The following PCDH11X variants were observed in gnomAD, a reference collection of about 807,000 sequenced individuals.
PCDH11X encodes protocadherin-11 X-linked.
A neutral mutation model predicts 53.3 loss-of-function variants in PCDH11X; 18 were observed. The observed-to-expected ratio is 0.34, with a 90% CI of 0.23 to 0.50. The LOEUF (loss-of-function observed/expected upper bound fraction) is 0.50, where lower values mean the gene tolerates loss of function less well. Ranked by LOEUF, PCDH11X falls within the 20% of genes least tolerant of loss-of-function variation. The pLI, the probability that PCDH11X is intolerant of heterozygous loss-of-function variation, is 0.98. For synonymous variants in PCDH11X, 279 were observed against 393.3 expected (o/e 0.71, Z 3.44); for missense variants, 570 against 1,032.4 (o/e 0.55, Z 6.14).
intron 6 of PCDH11X, among the ~76,000 whole-genome samples, chrX:92,143,119 A>C (rs973889393): frequency 1.1e-4 from 12 of 111,518 alleles, no homozygotes; most frequent in Non-Finnish European, 2.1e-4. Context: ...CTGTTTAAAA[A>C]AAGAAAAAAA....
chrX:91,839,329 A>G (rs1414822846), intron 5 of PCDH11X, among the ~76,000 whole-genome samples: 1 of 108,956 alleles, frequency 9.2e-6, no homozygotes, highest in Non-Finnish European at 1.9e-5. Flanking sequence ...AAGAAAGAAA[A>G]AAGACTGGGC....
intron 9 of PCDH11X, among the ~76,000 whole-genome samples, chrX:92,439,918 G>A: frequency 2.0e-5 from 1 of 49,797 alleles, no homozygotes; most frequent in Non-Finnish European, 5.4e-5. Flanking sequence ...ATAGGAGAAT[G>A]GAGTACAGTT....
At chrX:92,051,639 G>A in intron 6 of PCDH11X, among the ~76,000 whole-genome samples, 1 of 111,507 alleles carries the variant, frequency 9.0e-6, no homozygotes, top group Non-Finnish European at 1.9e-5. Context: ...AGAGTGTATA[G>A]AGTTTCATCA....
At chrX:92,432,723 TG>T (rs1316295748) in intron 9 of PCDH11X, among the ~76,000 whole-genome samples, 3 of 107,547 alleles carry the variant, frequency 2.8e-5, no homozygotes, top group South Asian at 4.1e-4. Context: ...AATATATTTT[TG>T]ACAAAAATAA....
intron 8 of PCDH11X, among the ~76,000 whole-genome samples, chrX:92,317,258 G>A (rs1156622164): frequency 1.4e-4 from 13 of 91,578 alleles, no homozygotes; most frequent in African/African-American, 5.5e-4. Context: ...TTTGTCTTTA[G>A]AGAGTCCTTC....
At chrX:92,481,604 G>A (rs1321086286) in intron 10 of PCDH11X, among the ~76,000 whole-genome samples, 1 of 110,693 alleles carries the variant, frequency 9.0e-6, no homozygotes, top group Non-Finnish European at 1.9e-5. Context: ...AGACCAAGGG[G>A]TGCGCAGGTT....
At chrX:92,147,806 C>CTTTCTTTCTTT (rs1569387844) in intron 6 of PCDH11X, among the ~76,000 whole-genome samples, 27 of 65,259 alleles carry the variant, frequency 4.1e-4, no homozygotes, top group Middle Eastern at 7.5e-3. Flanking sequence ...TTCTTTTCTT[C>CTTTCTTTCTTT]CTTCCTTTCT....
intron 6 of PCDH11X, among the ~76,000 whole-genome samples, chrX:92,200,237 C>T (rs915495786): frequency 3.6e-5 from 4 of 110,585 alleles, no homozygotes; most frequent in African/African-American, 9.9e-5. Context: ...GCATCTCATT[C>T]CAGGTAAAAG....
chrX:92,546,534 CAT>C (rs2074858494), intron 10 of PCDH11X, among the ~76,000 whole-genome samples: 1 of 109,390 alleles, frequency 9.1e-6, no homozygotes, highest in Non-Finnish European at 1.9e-5. Flanking sequence ...ATTGAAATCT[CAT>C]ATGTTAATGC....
At position 92,432,088 on chromosome X, in the gene PCDH11X, C is replaced by A. The variant is rs764609165; in HGVS notation, c.3344-36211C>A. Reference sequence around the variant, plus strand: ...GACCATTTTATCGTAGTTAATGATCCTTTTGCATTTTTATTACCAGTATTG... The same window carrying A: ...GACCATTTTATCGTAGTTAATGATCATTTTGCATTTTTATTACCAGTATTG... On this transcript the variant is annotated intron_variant, in intron 9 of 10. Coordinates refer to ENST00000682573, the MANE Select transcript of PCDH11X (RefSeq NM_032968.5). Among the ~76,000 whole-genome samples, 589 of 109,747 alleles carry A rather than the reference C, an allele frequency of 5.4e-3. 3 individuals are homozygous for A. Among genetic ancestry groups the A allele is most frequent in the African/African-American group, 0.017 (524 of 30,454 alleles).
intron 6 of PCDH11X, among the ~76,000 whole-genome samples, chrX:91,956,444 C>T: frequency 9.0e-6 from 1 of 111,387 alleles, no homozygotes. Flanking sequence ...ACAAGGTAGG[C>T]CTGGTGGTGA....
intron 10 of PCDH11X, among the ~76,000 whole-genome samples, chrX:92,472,370 C>CTTTTTTT (rs750331340): frequency 1.3e-4 from 7 of 52,504 alleles, no homozygotes; most frequent in African/African-American, 1.8e-4. Flanking sequence ...TTCTTCAGAG[C>CTTTTTTT]TTTTTTTTTT....
At chrX:92,475,980 C>T (rs1199962363) in intron 10 of PCDH11X, among the ~76,000 whole-genome samples, 1 of 111,638 alleles carries the variant, frequency 9.0e-6, no homozygotes, top group Non-Finnish European at 1.9e-5. Context: ...TATTGTTTGG[C>T]TGTGTCCCCA....
chrX:91,804,707 T>C (rs1279377914), intron 1 of PCDH11X, among the ~76,000 whole-genome samples: 2 of 111,195 alleles, frequency 1.8e-5, no homozygotes, highest in Non-Finnish European at 3.8e-5. Flanking sequence ...TAGATATTTA[T>C]GTAATTTAAG....
intron 8 of PCDH11X, among the ~76,000 whole-genome samples, chrX:92,363,384 C>A (rs2061781548): frequency 9.0e-6 from 1 of 111,053 alleles, no homozygotes; most frequent in Non-Finnish European, 1.9e-5. Flanking sequence ...TAGGTTTATA[C>A]ATACATATAT....
chrX:92,189,148 A>G (rs763373692), intron 6 of PCDH11X, among the ~76,000 whole-genome samples: 1 of 111,084 alleles, frequency 9.0e-6, no homozygotes, highest in Non-Finnish European at 1.9e-5. Context: ...TGCTGCACAG[A>G]TCAACCCATC....
chrX:92,155,562 C>T (rs1330308237), intron 6 of PCDH11X, among the ~76,000 whole-genome samples: 1 of 97,942 alleles, frequency 1.0e-5, no homozygotes, highest in African/African-American at 3.8e-5. Flanking sequence ...ATCACCTCTA[C>T]CACTACCACT....
intron 6 of PCDH11X, among the ~76,000 whole-genome samples, chrX:92,146,940 A>C (rs1321411173): frequency 9.0e-6 from 1 of 110,845 alleles, no homozygotes; most frequent in Non-Finnish European, 1.9e-5. Flanking sequence ...TGGAGGTTGC[A>C]GTGAGCCGAG....
chrX:91,846,461 CA>C (rs770325469), intron 5 of PCDH11X, among the ~76,000 whole-genome samples: 2 of 109,182 alleles, frequency 1.8e-5, no homozygotes, highest in Admixed American at 9.9e-5. Flanking sequence ...ACTAAAAATA[CA>C]AAAAAATTAG....
Sources: allele counts gnomAD v4.1 joint callset (sites outside exome capture counted in the v4.1 genomes callset), GRCh38; gene constraint gnomAD v4.1.1; transcripts MANE v1.5; gene names NCBI Gene and HGNC (gene_info 2026-07-23, HGNC 2026-07-21).